Variants in NKD1 observed in about 807,000 individuals in gnomAD.
NKD1 encodes the protein NKD inhibitor of Wnt signaling pathway 1.
In NKD1, 21 loss-of-function variants were observed where a neutral mutation model predicts 56.0. That is an observed-to-expected ratio of 0.38 (90% confidence interval 0.27 to 0.54). NKD1 has a LOEUF of 0.54. Among genes scored for constraint, NKD1 ranks in the 20% least tolerant of loss-of-function variants. NKD1 has a pLI of 0.82. For missense variants in NKD1, 578 were observed against 642.7 expected (o/e 0.90, Z 1.09); for synonymous variants, 263 against 265.7 (o/e 0.99, Z 0.10).
chr16:50,618,014 C>T (rs1250325115), intron 4 of NKD1, among the ~76,000 whole-genome samples: 1 of 152,184 alleles, frequency 6.6e-6, no homozygotes, highest in Non-Finnish European at 1.5e-5. Context: ...TGCAGATGAG[C>T]ATGGCTGTGT....
intron 6 of NKD1, among the ~76,000 whole-genome samples, chr16:50,628,626 G>A (rs1245642765): frequency 1.3e-5 from 2 of 152,218 alleles, no homozygotes; most frequent in Admixed American, 1.3e-4. Context: ...CCAATCAGAA[G>A]GGTTTGAGAC....
chr16:50,600,484 C>A (rs888619581), intron 3 of NKD1, among the ~76,000 whole-genome samples: 1 of 151,964 alleles, frequency 6.6e-6, no homozygotes, highest in Non-Finnish European at 1.5e-5. Context: ...CAAACCAAAC[C>A]AAGGCCCCCA....
chr16:50,586,160 CT>C, intron 3 of NKD1, among the ~76,000 whole-genome samples: 1 of 152,280 alleles, frequency 6.6e-6, no homozygotes, highest in East Asian at 1.9e-4. Flanking sequence ...TTTCCCTGGC[CT>C]TTGACATTTT....
rs201789166 is a variant in NKD1 at position 50,549,530 on chromosome 16, C to T, written c.167C>T (p.Ala56Val). 116 of 1,605,022 alleles carry T rather than the reference C, an allele frequency of 7.2e-5. No individual in the cohort carries two copies. In the East Asian group the frequency reaches 2.5e-3, roughly 34 times the overall value. The change falls in exon 3 of 10, where the codon GCG (alanine) becomes GTG (valine). Residue 56 changes from alanine (A) to valine (V), a missense_variant. Ala to Val is a moderately conservative substitution (Grantham distance 64). Transcript: ENST00000268459. The part of the protein sequence containing the change: ...GVSGPRQLRL[A>V]GTIGRSTREL... ...TCGGGACCCCGACAGCTGCGGTTGG[C>T]GGGCACCATAGGCCGAAGCACCCGG... is the stretch of plus-strand genomic sequence containing the variant.
intron 3 of NKD1, among the ~76,000 whole-genome samples, chr16:50,569,501 G>A (rs1013979303): frequency 6.6e-6 from 1 of 152,104 alleles, no homozygotes; most frequent in African/African-American, 2.4e-5. Context: ...ACATGGCTTT[G>A]CTAACATCTT....
chr16:50,581,076 C>A (rs974267709), intron 3 of NKD1, among the ~76,000 whole-genome samples: 1 of 152,156 alleles, frequency 6.6e-6, no homozygotes, highest in African/African-American at 2.4e-5. Context: ...AAATATTAAA[C>A]CTGCCCCCAT....
intron 6 of NKD1, 90 bp downstream of exon 6, chr16:50,625,670 C>A: frequency 1.2e-6 from 1 of 811,152 alleles, no homozygotes; most frequent in Non-Finnish European, 2.1e-6. Context: ...CTTCTCTCCC[C>A]TGCATCGGTC....
intron 3 of NKD1, chr16:50,573,955 C>T (rs781119683): frequency 2.0e-6 from 2 of 984,916 alleles, no homozygotes; most frequent in Non-Finnish European, 2.4e-6. Flanking sequence ...TTTTAACACA[C>T]ATGTATATGA....
chr16:50,575,082 C>G (rs1406858578), intron 3 of NKD1: 2 of 984,974 alleles, frequency 2.0e-6, no homozygotes, highest in Admixed American at 1.2e-4. Context: ...TTTCATGACA[C>G]CAGTAAGTAG....
intron 4 of NKD1, among the ~76,000 whole-genome samples, chr16:50,617,689 C>G (rs1034548376): frequency 1.2e-4 from 18 of 152,294 alleles, no homozygotes; most frequent in African/African-American, 4.1e-4. Context: ...ACCAACCCCC[C>G]AGATTCATAT....
chr16:50,550,741 CCTT>C (rs1234097164), intron 3 of NKD1, among the ~76,000 whole-genome samples: 2 of 152,136 alleles, frequency 1.3e-5, no homozygotes, highest in Non-Finnish European at 2.9e-5. Flanking sequence ...ACAAACCTCT[CCTT>C]CTTCCCCTGC....
intron 3 of NKD1, chr16:50,575,486 T>C (rs2151267757): frequency 2.6e-6 from 1 of 385,310 alleles, no homozygotes; most frequent in East Asian, 1.6e-4. Flanking sequence ...GTGGCAATAT[T>C]CCCCCCAGAA....
chr16:50,569,720 T>C (rs763231831), intron 3 of NKD1, among the ~76,000 whole-genome samples: 8 of 152,310 alleles, frequency 5.3e-5, no homozygotes, highest in South Asian at 2.1e-4. Flanking sequence ...TCCTCCCACT[T>C]AGATTGTAGG....
chr16:50,623,639 C>T lies in NKD1; in HGVS notation c.367-1846C>T, dbSNP rs190996556. Among the ~76,000 whole-genome samples, 4 of 152,094 alleles carry T rather than the reference C, an allele frequency of 2.6e-5. No individual in the cohort carries two copies. Among genetic ancestry groups the T allele is most frequent in the Admixed American group, 2.0e-4 (3 of 15,278 alleles). ...GGGTGTGGGAGAGGCCTAGGAGACC[C>T]GCATGTGACAGGTGGGACAAGTGGC... On this transcript the variant is annotated intron_variant, in intron 5 of 9. Coordinates refer to ENST00000268459, the MANE Select transcript of NKD1 (RefSeq NM_033119.5). The surrounding 1 kb of genome is among the most constrained non-coding windows in gnomAD (Gnocchi z 4.1).
At chr16:50,573,179 T>C (rs547945674) in intron 3 of NKD1, among the ~76,000 whole-genome samples, 9 of 152,238 alleles carry the variant, frequency 5.9e-5, no homozygotes, top group African/African-American at 1.4e-4. Context: ...GGAAGTCTTT[T>C]CCCCGCCATG....
At chr16:50,570,315 T>C (rs1185386779) in intron 3 of NKD1, among the ~76,000 whole-genome samples, 24 of 152,210 alleles carry the variant, frequency 1.6e-4, no homozygotes. Context: ...AAATTGGTTC[T>C]TGGGGGGCAA....
In NKD1 at chr16:50,643,145, A is replaced by G. The variant is rs1962613847; in HGVS notation, c.*9364A>G. On this transcript the variant is annotated 3_prime_UTR_variant, in exon 10 of 10. Coordinates refer to ENST00000268459, the MANE Select transcript of NKD1 (RefSeq NM_033119.5). Reference sequence around the variant, plus strand: ...CTACATCTGGGTCTGTCCTTGCCCAACTCCTAAGCTGCAGGATCGCTGAGG... The same window carrying G: ...CTACATCTGGGTCTGTCCTTGCCCAGCTCCTAAGCTGCAGGATCGCTGAGG... The G allele has an allele frequency of 6.6e-6, 1 of 151,972 alleles. No individual in the cohort carries two copies. Among genetic ancestry groups the G allele is most frequent in the Non-Finnish European group, 1.5e-5 (1 of 67,994 alleles). 9.4% of individuals were successfully genotyped at this position (151,972 alleles called of 1,614,324 possible).
rs774978613 is a variant in NKD1 at position 50,549,515 on chromosome 16, G to A, written c.152G>A (p.Arg51Gln). The A allele has an allele frequency of 1.9e-6, 3 of 1,607,980 alleles. No homozygotes were observed. Among genetic ancestry groups the A allele is most frequent in the South Asian group, 2.2e-5 (2 of 90,730 alleles). Residue 51 changes from arginine to glutamine, a missense_variant, in exon 3 of 10, where the codon CGA (arginine) becomes CAA (glutamine). Physicochemically the swap from Arg to Gln is conservative, Grantham distance 43 (BLOSUM62 1). Transcript: ENST00000268459. The stretch of plus-strand genomic sequence containing the variant: ...TGCCCGGGCGGTGTCTCGGGACCCC[G>A]ACAGCTGCGGTTGGCGGGCACCATA... ...QRCPGGVSGP[R>Q]QLRLAGTIGR...
At chr16:50,626,874 G>C (rs1962230040) in intron 6 of NKD1, among the ~76,000 whole-genome samples, 1 of 152,184 alleles carries the variant, frequency 6.6e-6, no homozygotes, top group Non-Finnish European at 1.5e-5. Context: ...TTCTTGTCCA[G>C]CATGTGGGGG....
Sources: gnomAD v4.1 joint callset for allele counts (sites outside exome capture counted in the v4.1 genomes callset) on GRCh38, gnomAD v4.1.1 for gene constraint, Gnocchi (gnomAD v3.1) non-coding constraint, MANE v1.5 for transcripts, NCBI Gene and HGNC (gene_info 2026-07-23, HGNC 2026-07-21) for gene names.